The following SYTL2 variants were observed in gnomAD, a reference collection of about 807,000 sequenced individuals.
SYTL2 encodes the protein synaptotagmin like 2.
Under a neutral mutation model 198.7 loss-of-function variants are expected in SYTL2, and 165 were observed. The observed-to-expected ratio is 0.83, with a 90% confidence interval of 0.73 to 0.94. The LOEUF (loss-of-function observed/expected upper bound fraction) is 0.94, where lower values mean the gene tolerates loss of function less well. SYTL2 is among the 40% of genes least tolerant of loss of function. The probability of loss-of-function intolerance (pLI) is 0.00; values close to 1 mark genes in which losing one functional copy is unlikely to be tolerated. For missense variants in SYTL2, 2,835 were observed against 2,582.8 expected, an observed-to-expected ratio of 1.10 and a Z score of -2.12; for synonymous variants, 966 against 917.7, an observed-to-expected ratio of 1.05 and a Z score of -0.95.
rs1375505896 is a variant in SYTL2 at position 85,757,847 on chromosome 11, G to A, written c.-122C>T. 3 of 1,433,138 alleles carry A rather than the reference G, an allele frequency of 2.1e-6. No individual in the cohort carries two copies. Among genetic ancestry groups the A allele is most frequent in the South Asian group, 2.6e-5 (2 of 77,286 alleles). 88.8% of individuals were successfully genotyped at this position (1,433,138 alleles called of 1,614,324 possible). A position where few individuals can be genotyped will look rare whatever the true frequency, so the allele number is the denominator to read the frequency against. Reference sequence around the variant, plus strand: ...AAAATGAAATATCTTGTTCAGTTCTGCATCAAAGTCTTATTTTGGCTCAGC... The same window carrying A: ...AAAATGAAATATCTTGTTCAGTTCTACATCAAAGTCTTATTTTGGCTCAGC... On this transcript the variant is annotated 5_prime_UTR_variant, in exon 2 of 20. It introduces an in-frame stop codon into an upstream open reading frame of the 5' UTR. Transcript: ENST00000359152.
intron 1 of SYTL2, among the ~76,000 whole-genome samples, chr11:85,760,817 A>G (rs1425135481): frequency 6.6e-6 from 1 of 152,152 alleles, no homozygotes; most frequent in East Asian, 1.9e-4. Context: ...CCCTTAAAAT[A>G]GGCTGTTAGT....
chr11:85,711,914 G>A (rs1016186226), intron 12 of SYTL2, among the ~76,000 whole-genome samples: 2 of 152,154 alleles, frequency 1.3e-5, no homozygotes, highest in South Asian at 4.1e-4. Context: ...TAAAATACAG[G>A]TATTTATTTT....
In SYTL2 at chr11:85,695,079, G is replaced by T; in HGVS notation, c.*116C>A. 1 of 1,085,090 alleles carries T rather than the reference G, an allele frequency of 9.2e-7. No individual in the cohort carries two copies. The allele number at this position is 1,085,090 out of a possible 1,614,324, so 67.2% of individuals were successfully genotyped here. On this transcript the variant is annotated 3_prime_UTR_variant, in exon 20 of 20. Coordinates refer to ENST00000359152, the MANE Select transcript of SYTL2 (RefSeq NM_206927.4). ...CAGATTGACTTTTACATGCTGTGTA[G>T]TATTCCTTAGGTGCAATAGATAGAA...
chr11:85,786,371 C>T (rs908051519), intron 1 of SYTL2, among the ~76,000 whole-genome samples: 5 of 152,040 alleles, frequency 3.3e-5, no homozygotes, highest in Non-Finnish European at 5.9e-5. Context: ...AAATTGTATA[C>T]AACTTAATAC....
rs2084148332 is a variant in SYTL2, at chr11:85,700,653, T to C, written c.6190-60A>G. ...AAACTTTTCATCCTGTTTGTTGGTA[T>C]AGGTCTCATTACAGAACCATATCTG... On this transcript the variant is annotated intron_variant, in intron 16 of 19. Transcript: ENST00000359152. 2.4e-6 allele frequency: 3 copies of C among 1,249,630 alleles called. No homozygotes were observed. The South Asian group carries it at 3.6e-5, about 15-fold the overall frequency. 77.4% of individuals were successfully genotyped at this position (1,249,630 alleles called of 1,614,324 possible).
At chr11:85,766,741 T>C (rs866559508) in intron 1 of SYTL2, among the ~76,000 whole-genome samples, 3 of 152,174 alleles carry the variant, frequency 2.0e-5, no homozygotes, top group Admixed American at 1.3e-4. Context: ...GGAGGGCAGA[T>C]ACTGAACAAG....
chr11:85,695,720 G>A (rs1565827965), intron 19 of SYTL2, among the ~76,000 whole-genome samples: 1 of 152,144 alleles, frequency 6.6e-6, no homozygotes, highest in Non-Finnish European at 1.5e-5. Flanking sequence ...CTGCCACTTT[G>A]TAGCTATGTT....
intron 13 of SYTL2, 67 bp from the exon 14 acceptor site, chr11:85,709,567 G>T: frequency 7.0e-7 from 1 of 1,423,914 alleles, no homozygotes; most frequent in Non-Finnish European, 9.8e-7. Context: ...AAGGATCATG[G>T]ATATAATCCC....
chr11:85,796,796 T>G (rs1413588558), intron 1 of SYTL2, among the ~76,000 whole-genome samples: 1 of 152,264 alleles, frequency 6.6e-6, no homozygotes, highest in Non-Finnish European at 1.5e-5. Context: ...CAGTAATATC[T>G]GTCAGGTCTG....
the SYTL2 span, among the ~76,000 whole-genome samples, chr11:85,822,098 G>A: frequency 2.0e-5 from 3 of 152,208 alleles, no homozygotes; most frequent in East Asian, 3.8e-4. Context: ...TGTAAGGCAG[G>A]TGTTACCACT....
the SYTL2 span, among the ~76,000 whole-genome samples, chr11:85,834,635 T>C: frequency 2.6e-5 from 4 of 152,186 alleles, no homozygotes; most frequent in South Asian, 8.3e-4. Flanking sequence ...TACTTTATTA[T>C]AAAATGGGCT....
At chr11:85,707,590 T>C (rs1392918739) in intron 14 of SYTL2, 59 bp from the exon 15 acceptor site, 3 of 1,095,394 alleles carry the variant, frequency 2.7e-6, no homozygotes, top group Non-Finnish European at 1.4e-6. Context: ...TTTCCACCTC[T>C]AGTTTTTTAA....
intron 1 of SYTL2, among the ~76,000 whole-genome samples, chr11:85,788,775 T>TA (rs144242580): frequency 0.1 from 14,671 of 146,592 alleles, 1,191 homozygotes; most frequent in African/African-American, 0.22. Flanking sequence ...TCTATAATTA[T>TA]AAAAAAAAAA....
chr11:85,702,227 T>C (rs1277727569), intron 16 of SYTL2, among the ~76,000 whole-genome samples: 2 of 150,958 alleles, frequency 1.3e-5, no homozygotes, highest in African/African-American at 4.9e-5. Context: ...TCTCGCTTTG[T>C]TGCCCACACT....
intron 1 of SYTL2, among the ~76,000 whole-genome samples, chr11:85,769,350 T>C (rs1327543381): frequency 1.3e-5 from 2 of 152,098 alleles, no homozygotes; most frequent in African/African-American, 4.8e-5. Context: ...AGAGGAGATA[T>C]GAGGCTGAAA....
chr11:85,749,993 C>A (rs955092686), intron 2 of SYTL2, among the ~76,000 whole-genome samples: 3 of 152,138 alleles, frequency 2.0e-5, no homozygotes, highest in Non-Finnish European at 4.4e-5. Flanking sequence ...TTCAGGTTAC[C>A]TTTTCAGATT....
chr11:85,738,589 C>G (rs1359175158), intron 4 of SYTL2, among the ~76,000 whole-genome samples: 1 of 152,080 alleles, frequency 6.6e-6, no homozygotes, highest in Non-Finnish European at 1.5e-5. Context: ...AAAAAGAAAC[C>G]TAGTCACTGA....
In SYTL2 at chr11:85,787,695, C is replaced by CCT. The variant is rs1566023900; in HGVS notation, c.-390+23258_-390+23259insAG. Among the ~76,000 whole-genome samples the CCT allele has an allele frequency of 1.2e-3, 120 of 102,574 alleles. 1 individual carries two copies. The highest frequency in any genetic ancestry group is 2.2e-3 in the South Asian group (5 of 2,286). 67.3% of individuals were successfully genotyped at this position (102,574 alleles called of 152,430 possible). On this transcript the variant is annotated intron_variant, in intron 1 of 19. Coordinates refer to ENST00000359152, the MANE Select transcript of SYTL2 (RefSeq NM_206927.4). The stretch of plus-strand genomic sequence containing the variant: ...TTATTTCTTTTTTCTGTTTTTTTTT[C>CCT]TTTTCCTTTTTTTTTTTTTTTTTTG...
chr11:85,739,933 A>C (rs930275421), intron 4 of SYTL2, among the ~76,000 whole-genome samples: 1 of 152,116 alleles, frequency 6.6e-6, no homozygotes, highest in African/African-American at 2.4e-5. Context: ...AGAGACTCCC[A>C]CATCTGTCTC....
Sources: gnomAD v4.1 joint callset for allele counts (sites outside exome capture counted in the v4.1 genomes callset) on GRCh38, gnomAD v4.1.1 for gene constraint, MANE v1.5 for transcripts, NCBI Gene and HGNC (gene_info 2026-07-23, HGNC 2026-07-21) for gene names.